ENTREP2: variants seen among roughly 807,000 people sequenced by gnomAD.
The protein encoded by ENTREP2 is protein ENTREP2.
At chr15:29,438,446 G>A in the ENTREP2 span, among the ~76,000 whole-genome samples, 1 of 152,160 alleles carries the variant, frequency 6.6e-6, no homozygotes, top group South Asian at 2.1e-4. Flanking sequence ...TTGTAAAAGT[G>A]TCACAGGACC....
chr15:29,514,172 T>C, the ENTREP2 span, among the ~76,000 whole-genome samples: 970 of 152,332 alleles, frequency 6.4e-3, 9 homozygotes, highest in African/African-American at 0.022. Flanking sequence ...ACAACAGATC[T>C]CTAGAACTTC....
the ENTREP2 span, among the ~76,000 whole-genome samples, chr15:29,447,679 G>A: frequency 6.6e-6 from 1 of 151,002 alleles, no homozygotes; most frequent in Non-Finnish European, 1.5e-5. Flanking sequence ...CGTAGAGATG[G>A]GGGTCTCGCC....
At chr15:29,310,346 C>A in the ENTREP2 span, among the ~76,000 whole-genome samples, 3 of 152,120 alleles carry the variant, frequency 2.0e-5, no homozygotes, top group Non-Finnish European at 4.4e-5. Context: ...AACTCAGGAG[C>A]TCAACCAAGA....
chr15:29,138,876 AT>A, the ENTREP2 span, among the ~76,000 whole-genome samples: 7 of 151,938 alleles, frequency 4.6e-5, no homozygotes, highest in Non-Finnish European at 1.5e-5. Context: ...GATTGGTGGG[AT>A]TTCATCTAGT....
At chr15:29,444,223 AAAG>A in the ENTREP2 span, among the ~76,000 whole-genome samples, 14 of 150,336 alleles carry the variant, frequency 9.3e-5, no homozygotes, top group African/African-American at 3.5e-4. Context: ...AGAAAGAAAG[AAAG>A]AAAGAAAGAA....
chr15:29,610,326 T>C, the ENTREP2 span: 39 of 150,636 alleles, frequency 2.6e-4, 1 homozygote, highest in Middle Eastern at 3.4e-3. Flanking sequence ...TTTGGTCATA[T>C]GCCATTTCTG....
the ENTREP2 span, chr15:29,269,892 G>A: frequency 2.3e-4 from 124 of 542,682 alleles, no homozygotes; most frequent in Middle Eastern, 4.9e-4. Flanking sequence ...GGCTGCGGCG[G>A]GTACCAAAAG....
chr15:29,205,380 T>C, the ENTREP2 span, among the ~76,000 whole-genome samples: 13 of 152,208 alleles, frequency 8.5e-5, no homozygotes, highest in Non-Finnish European at 1.5e-4. Flanking sequence ...TGTTTAATGA[T>C]TTAAGAAAAT....
the ENTREP2 span, chr15:29,195,303 T>C: frequency 1.0e-6 from 1 of 985,094 alleles, no homozygotes; most frequent in East Asian, 1.1e-4. Context: ...TCTGTACATC[T>C]TTGCTTGTCT....
chr15:29,473,702 G>A, the ENTREP2 span, among the ~76,000 whole-genome samples: 49 of 152,150 alleles, frequency 3.2e-4, no homozygotes, highest in African/African-American at 1.1e-3. Flanking sequence ...TCTATGTCAC[G>A]TCAATACCAG....
At chr15:29,186,896 A>AT in the ENTREP2 span, among the ~76,000 whole-genome samples, 1 of 152,202 alleles carries the variant, frequency 6.6e-6, no homozygotes, top group Non-Finnish European at 1.5e-5. Context: ...GTCTTCAGCC[A>AT]TTTTTGTGTA....
At chr15:29,289,912 T>A in the ENTREP2 span, among the ~76,000 whole-genome samples, 1 of 152,080 alleles carries the variant, frequency 6.6e-6, no homozygotes, top group Non-Finnish European at 1.5e-5. Context: ...GTCACCAAAT[T>A]GAAATAATCT....
the ENTREP2 span, among the ~76,000 whole-genome samples, chr15:29,326,447 A>G: frequency 1.3e-5 from 2 of 152,310 alleles, no homozygotes; most frequent in East Asian, 3.9e-4. Context: ...GGAATTTGAA[A>G]TTTAAAATGT....
the ENTREP2 span, among the ~76,000 whole-genome samples, chr15:29,343,027 T>TGGGGGGGG: frequency 7.6e-6 from 1 of 130,852 alleles, no homozygotes; most frequent in Admixed American, 8.2e-5. Context: ...TAAAAAGGAA[T>TGGGGGGGG]GGGGGGGGTG....
At chr15:29,519,159 T>TCA in the ENTREP2 span, among the ~76,000 whole-genome samples, 288 of 147,408 alleles carry the variant, frequency 2.0e-3, no homozygotes, top group East Asian at 1.0e-2. Flanking sequence ...TCTCTCTCTC[T>TCA]CACACACACA....
the ENTREP2 span, among the ~76,000 whole-genome samples, chr15:29,581,276 TA>T: frequency 8.3e-3 from 1,261 of 152,280 alleles, 9 homozygotes; most frequent in South Asian, 0.013. Flanking sequence ...TTGTAGGGAT[TA>T]AGTATCGTTG....
At chr15:29,635,750 G>A in the ENTREP2 span, among the ~76,000 whole-genome samples, 2 of 152,320 alleles carry the variant, frequency 1.3e-5, no homozygotes, top group African/African-American at 2.4e-5. Context: ...AATCAAAACA[G>A]AGGTGTCTGC....
At chr15:29,313,339 T>G in the ENTREP2 span, among the ~76,000 whole-genome samples, 1 of 152,210 alleles carries the variant, frequency 6.6e-6, no homozygotes, top group Non-Finnish European at 1.5e-5. Flanking sequence ...ATCTAGGACT[T>G]TCATAGCTAA....
chr15:29,496,990 C>T, the ENTREP2 span, among the ~76,000 whole-genome samples: 1 of 152,064 alleles, frequency 6.6e-6, no homozygotes, highest in Non-Finnish European at 1.5e-5. Context: ...AAACTTAATC[C>T]CCAATGCAAC....
Sources: gnomAD v4.1 joint callset for allele counts (sites outside exome capture counted in the v4.1 genomes callset) on GRCh38, gnomAD v4.1.1 for gene constraint, MANE v1.5 for transcripts, NCBI Gene and HGNC (gene_info 2026-07-23, HGNC 2026-07-21) for gene names.